Variants in DAB1 observed in about 807,000 individuals in gnomAD.
DAB1 encodes DAB adaptor protein 1, also known as disabled homolog 1.
A neutral mutation model predicts 64.6 loss-of-function variants in DAB1; 15 were observed. The ratio of observed to expected loss-of-function variants is 0.23; its 90% CI spans 0.16 to 0.36. The LOEUF (loss-of-function observed/expected upper bound fraction) is 0.36, where lower values mean the gene tolerates loss of function less well. DAB1 is among the 10% of genes least tolerant of loss of function. DAB1 has a pLI of 1.00. For missense variants in DAB1, 596 were observed against 706.7 expected, an observed-to-expected ratio of 0.84 and a Z score of 1.78; for synonymous variants, 235 against 251.9, an observed-to-expected ratio of 0.93 and a Z score of 0.64.
At chr1:57,913,229 C>T (rs565149152) in intron 5 of DAB1, among the ~76,000 whole-genome samples, 1 of 152,028 alleles carries the variant, frequency 6.6e-6, no homozygotes, top group Non-Finnish European at 1.5e-5. Context: ...CAGCATGGTA[C>T]TGGTACCAAA....
intron 2 of DAB1, among the ~76,000 whole-genome samples, chr1:57,154,352 G>T (rs6703985): frequency 0.56 from 84,864 of 152,054 alleles, 24,381 homozygotes; most frequent in African/African-American, 0.69. Context: ...CCATCCATGT[G>T]GTTGCAAATG....
intron 7 of DAB1, among the ~76,000 whole-genome samples, chr1:57,623,842 T>C (rs1322434723): frequency 6.6e-6 from 1 of 152,196 alleles, no homozygotes; most frequent in East Asian, 1.9e-4. Context: ...AATCCATCTC[T>C]GCTCTAAGGT....
At chr1:57,039,757 G>GT (rs1403018818) in intron 9 of DAB1, among the ~76,000 whole-genome samples, 4 of 152,150 alleles carry the variant, frequency 2.6e-5, no homozygotes, top group African/African-American at 9.7e-5. Flanking sequence ...TGAGGTTGGG[G>GT]TTGGTGGCAT....
chr1:58,034,866 A>T (rs1647021400), intron 5 of DAB1, among the ~76,000 whole-genome samples: 3 of 152,182 alleles, frequency 2.0e-5, no homozygotes, highest in Non-Finnish European at 4.4e-5. Context: ...AGCATGATGG[A>T]TTATCTGCAA....
rs537201771 is a variant in DAB1, at chr1:57,468,639, T to C, written n.626-177473A>G. On this transcript the variant is annotated intron_variant and non_coding_transcript_variant, in intron 7 of 20. Coordinates refer to the DAB1 transcript ENST00000485760. The stretch of plus-strand genomic sequence containing the variant: ...CGTATGGGTGTGACATGTGTGTTTT[T>C]AATGTGTATATTTGGGGGTTGTAAG... Among the ~76,000 whole-genome samples, 5 of 152,278 alleles carry C rather than the reference T, an allele frequency of 3.3e-5. No homozygotes were observed. The East Asian group carries it at 9.7e-4, about 29-fold the overall frequency.
chr1:58,133,225 C>A (rs927660487), intron 5 of DAB1, among the ~76,000 whole-genome samples: 1 of 152,198 alleles, frequency 6.6e-6, no homozygotes, highest in Non-Finnish European at 1.5e-5. Context: ...TCTTATACCC[C>A]TGCCTAGTTA....
At chr1:57,749,861 T>C (rs1223585983) in intron 6 of DAB1, among the ~76,000 whole-genome samples, 5 of 152,246 alleles carry the variant, frequency 3.3e-5, no homozygotes, top group Non-Finnish European at 7.3e-5. Flanking sequence ...TTCTGCTCAG[T>C]TGACCAGCAG....
chr1:57,925,534 C>G (rs2102029038), intron 5 of DAB1, among the ~76,000 whole-genome samples: 1 of 152,272 alleles, frequency 6.6e-6, no homozygotes, highest in South Asian at 2.1e-4. Context: ...ATACTGGGGC[C>G]ACTGAAAACA....
At chr1:58,222,102 GA>G (rs1271289862) in intron 4 of DAB1, among the ~76,000 whole-genome samples, 3 of 152,122 alleles carry the variant, frequency 2.0e-5, no homozygotes. Context: ...AGAGAGATGG[GA>G]ATTTATCATC....
intron 4 of DAB1, among the ~76,000 whole-genome samples, chr1:58,203,453 CAACT>C (rs1658105486): frequency 6.6e-6 from 1 of 152,150 alleles, no homozygotes; most frequent in South Asian, 2.1e-4. Context: ...CATATTCACC[CAACT>C]GTCTCCATAC....
intron 7 of DAB1, among the ~76,000 whole-genome samples, chr1:57,512,817 T>TG (rs1339602731): frequency 1.3e-5 from 2 of 152,116 alleles, no homozygotes; most frequent in Non-Finnish European, 2.9e-5. Context: ...GGTTTAGGTT[T>TG]GGGGGCATGG....
At chr1:58,470,049 T>C (rs1645339117) in intron 3 of DAB1, among the ~76,000 whole-genome samples, 1 of 152,040 alleles carries the variant, frequency 6.6e-6, no homozygotes, top group East Asian at 1.9e-4. Flanking sequence ...ACTGAGGCCA[T>C]TCTTCCCATT....
chr1:58,162,696 G>C (rs980543620), intron 4 of DAB1, among the ~76,000 whole-genome samples: 1 of 152,124 alleles, frequency 6.6e-6, no homozygotes, highest in Non-Finnish European at 1.5e-5. Flanking sequence ...ATGGATGTAA[G>C]TCATCTTATT....
chr1:58,113,078 G>C (rs1159221438), intron 5 of DAB1, among the ~76,000 whole-genome samples: 5 of 152,186 alleles, frequency 3.3e-5, no homozygotes, highest in Admixed American at 6.5e-5. Flanking sequence ...GGGAGAAACA[G>C]ACAAACATGC....
chr1:57,744,575 C>T (rs1343359526), intron 6 of DAB1, among the ~76,000 whole-genome samples: 2 of 152,128 alleles, frequency 1.3e-5, no homozygotes, highest in Non-Finnish European at 2.9e-5. Flanking sequence ...GTTATTTTGG[C>T]TGAAGTCACC....
intron 5 of DAB1, among the ~76,000 whole-genome samples, chr1:57,922,431 G>C (rs1420727088): frequency 6.6e-6 from 1 of 152,048 alleles, no homozygotes; most frequent in South Asian, 2.1e-4. Context: ...AGGAATCATT[G>C]TACAAGAGAG....
chr1:57,350,564 C>T (rs1208989975), intron 1 of DAB1, among the ~76,000 whole-genome samples: 1 of 152,070 alleles, frequency 6.6e-6, no homozygotes, highest in Non-Finnish European at 1.5e-5. Context: ...CTTTGCTGGG[C>T]GCTACTCAGG....
At chr1:58,158,769 T>G (rs1655355458) in intron 4 of DAB1, among the ~76,000 whole-genome samples, 1 of 146,984 alleles carries the variant, frequency 6.8e-6, no homozygotes, top group African/African-American at 2.5e-5. Flanking sequence ...AGGCAAGGCC[T>G]GGAGAAAGCA....
chr1:58,290,557 TA>T (rs548978184), intron 4 of DAB1, among the ~76,000 whole-genome samples: 124 of 151,494 alleles, frequency 8.2e-4, no homozygotes, highest in Non-Finnish European at 1.4e-3. Context: ...ACAGTAGTTG[TA>T]AAAAAAAATT....
Sources: gnomAD v4.1 joint callset for allele counts (sites outside exome capture counted in the v4.1 genomes callset) on GRCh38, gnomAD v4.1.1 for gene constraint, MANE v1.5 for transcripts, NCBI Gene and HGNC (gene_info 2026-07-23, HGNC 2026-07-21) for gene names.